AXL: variants seen among roughly 807,000 people sequenced by gnomAD.
AXL encodes AXL receptor tyrosine kinase.
AXL carries 52 observed loss-of-function variants against 104.5 expected under a neutral mutation model. The ratio of observed to expected loss-of-function variants is 0.50; its 90% CI spans 0.40 to 0.63. The LOEUF (loss-of-function observed/expected upper bound fraction) is 0.63, where lower values mean the gene tolerates loss of function less well. Ranked by LOEUF, AXL falls within the 20% of genes least tolerant of loss-of-function variation. The pLI is 0.00. For missense variants in AXL, 1,024 were observed against 1,188.5 expected (o/e 0.86, Z 2.04); for synonymous variants, 455 against 473.7 (o/e 0.96, Z 0.51).
At chr19:41,238,270 C>T in intron 7 of AXL, 116 bp downstream of exon 7, 2 of 1,430,170 alleles carry the variant, frequency 1.4e-6, no homozygotes, top group Non-Finnish European at 1.9e-6. Flanking sequence ...AATCTCCTTC[C>T]CATCCAATCT....
At position 41,243,659 on chromosome 19, in the gene AXL, A is replaced by G; in HGVS notation, c.1489A>G (p.Arg497Gly). Residue 497 changes from arginine (R) to glycine (G), a missense_variant, in exon 12 of 20, where the codon AGG (arginine) becomes GGG (glycine). Physicochemically the swap from Arg to Gly is moderately radical, Grantham distance 125. Around this residue, in one of 5 missense-constraint regions of AXL, gnomAD observed 523 missense variants for 636.0 expected, o/e 0.82. Transcript: ENST00000301178. ...AGTGGAAAGAGGTGAACTGGTAGTCAGGTACCGCGTGCGCAAGTCCTACAG... is the reference window on the plus strand; with the variant it reads ...AGTGGAAAGAGGTGAACTGGTAGTCGGGTACCGCGTGCGCAAGTCCTACAG... ...PTVERGELVV[R>G]YRVRKSYSRR... The G allele has an allele frequency of 6.2e-7, 1 of 1,614,132 alleles. No homozygotes were observed.
intron 4 of AXL, among the ~76,000 whole-genome samples, chr19:41,226,360 G>C (rs983185336): frequency 6.6e-6 from 1 of 152,184 alleles, no homozygotes; most frequent in African/African-American, 2.4e-5. Flanking sequence ...GCCCCCACTC[G>C]GGCCGCCCGC....
chr19:41,227,279 C>A (rs1020339632), intron 4 of AXL, among the ~76,000 whole-genome samples: 5 of 152,088 alleles, frequency 3.3e-5, no homozygotes, highest in Non-Finnish European at 7.4e-5. Context: ...ATACTAAACC[C>A]TGTATATACT....
chr19:41,230,140 T>G (rs1371396468), intron 4 of AXL, among the ~76,000 whole-genome samples: 1 of 119,494 alleles, frequency 8.4e-6, no homozygotes, highest in Non-Finnish European at 1.8e-5. Context: ...TGTGTGTGTG[T>G]GGCTGTGTCT....
chr19:41,256,080 G>GGTGTGTGTGTGTGTGTGT (rs71177704), intron 17 of AXL, among the ~76,000 whole-genome samples: 1 of 150,618 alleles, frequency 6.6e-6, no homozygotes, highest in South Asian at 2.1e-4. Context: ...TGGTTACATG[G>GGTGTGTGTGTGTGTGTGT]GTGTGTGTGT....
intron 10 of AXL, among the ~76,000 whole-genome samples, chr19:41,240,875 T>C (rs1417486983): frequency 6.6e-6 from 1 of 152,014 alleles, no homozygotes; most frequent in East Asian, 1.9e-4. Flanking sequence ...GCACACTCCA[T>C]AGACATCATT....
In AXL at chr19:41,248,757, G is replaced by C; in HGVS notation, c.1648G>C (p.Val550Leu). The C allele has an allele frequency of 6.2e-7, 1 of 1,614,140 alleles. No homozygotes were observed. Among genetic ancestry groups the C allele is most frequent in the Non-Finnish European group, 8.5e-7 (1 of 1,180,018 alleles). The part of the protein sequence containing the change: ...KTLGEGEFGA[V>L]MEGQLNQDDS... Reference sequence around the variant, plus strand: ...GCCCCCCACAGGAGAGTTTGGAGCTGTGATGGAAGGCCAGCTCAACCAGGA... The same window carrying C: ...GCCCCCCACAGGAGAGTTTGGAGCTCTGATGGAAGGCCAGCTCAACCAGGA... Residue 550 changes from valine to leucine, a missense_variant, in exon 14 of 20, where the codon GTG becomes CTG. Transcript: ENST00000301178.
At chr19:41,248,187 G>A (rs1360706283) in intron 12 of AXL, among the ~76,000 whole-genome samples, 1 of 152,248 alleles carries the variant, frequency 6.6e-6, no homozygotes, top group East Asian at 1.9e-4. Context: ...GCCTCCCAGA[G>A]TGCTGGGATT....
At chr19:41,226,650 C>A in intron 4 of AXL, 1 of 780,576 alleles carries the variant, frequency 1.3e-6, no homozygotes, top group Non-Finnish European at 1.6e-6. Context: ...GGAGCAAACA[C>A]GAGAGACACG....
At chr19:41,236,420 T>C (rs956620597) in intron 6 of AXL, among the ~76,000 whole-genome samples, 2 of 151,748 alleles carry the variant, frequency 1.3e-5, no homozygotes, top group Admixed American at 6.6e-5. Context: ...GAGAATTGCC[T>C]GAACCTGGGA....
At chr19:41,227,003 C>T (rs1390525638) in intron 4 of AXL, 1 of 157,388 alleles carries the variant, frequency 6.4e-6, no homozygotes, top group Non-Finnish European at 1.4e-5. Context: ...GAGGATGAGA[C>T]AGGAGGATCG....
At chr19:41,253,983 C>T (rs959735738) in intron 17 of AXL, among the ~76,000 whole-genome samples, 5 of 151,818 alleles carry the variant, frequency 3.3e-5, no homozygotes, top group Non-Finnish European at 7.4e-5. Flanking sequence ...CTGAGGTGAC[C>T]GATGGGGGTG....
rs1382215494 is a variant in AXL at position 41,231,065 on chromosome 19, T to C, written c.667+18T>C. On this transcript the variant is annotated intron_variant, in intron 5 of 19. Transcript: ENST00000301178. ...CATCACAGGTGACAGAGTTGGGAGG[T>C]GGGGAGCTGGGCGTCAGAGGGTGGG... 2 of 1,613,146 alleles carry C rather than the reference T, an allele frequency of 1.2e-6. No homozygotes were observed. Among genetic ancestry groups the C allele is most frequent in the Non-Finnish European group, 1.7e-6 (2 of 1,179,570 alleles).
rs536724919 is a variant in AXL, at chr19:41,220,657, C to T, written c.107C>T (p.Pro36Leu). Reference protein sequence around the residue: ...APRGTQAEESPFVGNPGNITG... With the variant: ...APRGTQAEESLFVGNPGNITG... The stretch of plus-strand genomic sequence containing the variant: ...CCAGGCACGCAGGCTGAAGAAAGTC[C>T]CTTCGTGGGCAACCCAGGGAATATC... Residue 36 changes from proline to leucine, a missense_variant, in exon 2 of 20, where the codon CCC becomes CTC. By Grantham distance (98) the Pro-to-Leu change is moderately conservative (BLOSUM62 -3). Around this residue, in one of 5 missense-constraint regions of AXL, gnomAD observed 124 missense variants for 115.5 expected, o/e 1.07. Transcript: ENST00000301178. 1 of 1,592,118 alleles carries T rather than the reference C, an allele frequency of 6.3e-7. No homozygotes were observed. The highest frequency in any genetic ancestry group is 1.3e-5 in the African/African-American group (1 of 74,294).
intron 6 of AXL, among the ~76,000 whole-genome samples, chr19:41,232,073 G>A (rs1599730055): frequency 6.6e-6 from 1 of 152,160 alleles, no homozygotes; most frequent in African/African-American, 2.4e-5. Context: ...TGTCACCACT[G>A]GATACCCAGA....
intron 17 of AXL, 138 bp downstream of exon 17, chr19:41,253,846 A>C (rs1310473781): frequency 1.3e-5 from 9 of 694,000 alleles, no homozygotes; most frequent in Non-Finnish European, 2.3e-5. Flanking sequence ...GAAAGTCAGT[A>C]AGGGGGTCTG....
At chr19:41,251,373 C>A (rs1277295316) in intron 14 of AXL, among the ~76,000 whole-genome samples, 1 of 151,774 alleles carries the variant, frequency 6.6e-6, no homozygotes, top group East Asian at 1.9e-4. Context: ...ACCAGCCTGG[C>A]CAACATGGTG....
chr19:41,255,926 G>A (rs1308955439), intron 17 of AXL, among the ~76,000 whole-genome samples: 1 of 152,048 alleles, frequency 6.6e-6, no homozygotes, highest in African/African-American at 2.4e-5. Context: ...TGTACTTTTA[G>A]TAGAGACAGA....
chr19:41,238,149 A>C lies in AXL; in HGVS notation c.989A>C (p.Glu330Ala), dbSNP rs772460604. The change falls in exon 7 of 20, where the codon GAG becomes GCG. Residue 330 changes from glutamate to alanine, a missense_variant. Glu to Ala is a moderately radical substitution (Grantham distance 107). Transcript: ENST00000301178. ...WTHWLPVETP[E>A]GVPLGPPENI... is the part of the protein sequence containing the mutation. ...CACTGGCTTCCTGTGGAGACGCCGG[A>C]GGGAGGTAAGAAGGGTTGGGGAGGG... 3.1e-6 allele frequency: 5 copies of C among 1,613,874 alleles called. No individual in the cohort carries two copies. Among genetic ancestry groups the C allele is most frequent in the Non-Finnish European group, 4.2e-6 (5 of 1,179,922 alleles).
Sources: gnomAD v4.1 joint callset for allele counts (sites outside exome capture counted in the v4.1 genomes callset) on GRCh38, gnomAD v4.1.1 for gene constraint, gnomAD v4.1.1 regional missense constraint, MANE v1.5 for transcripts, NCBI Gene and HGNC (gene_info 2026-07-23, HGNC 2026-07-21) for gene names.